The following ABCB1 variants were observed in gnomAD, a reference collection of about 807,000 sequenced individuals.
The protein encoded by ABCB1 is ATP binding cassette subfamily B member 1.
In ABCB1, 69 loss-of-function variants were observed where a neutral mutation model predicts 142.0. That is an observed-to-expected ratio of 0.49 (90% confidence interval 0.40 to 0.59). The LOEUF (loss-of-function observed/expected upper bound fraction) is 0.59. Ranked by LOEUF, ABCB1 falls within the 20% of genes least tolerant of loss-of-function variation. The pLI, the probability that ABCB1 is intolerant of heterozygous loss-of-function variation, is 0.00. For missense variants in ABCB1, 1,326 were observed against 1,554.7 expected (o/e 0.85, Z 2.47); for synonymous variants, 532 against 539.2 (o/e 0.99, Z 0.18).
At chr7:87,560,538 T>A (rs1217091895) in intron 8 of ABCB1, among the ~76,000 whole-genome samples, 1 of 152,172 alleles carries the variant, frequency 6.6e-6, no homozygotes, top group Non-Finnish European at 1.5e-5. Context: ...TTCCCTTGGT[T>A]TTCTTCATGG....
chr7:87,580,738 C>A (rs1373750907), intron 4 of ABCB1, among the ~76,000 whole-genome samples: 1 of 152,040 alleles, frequency 6.6e-6, no homozygotes, highest in Non-Finnish European at 1.5e-5. Context: ...ATGCTTCATT[C>A]TTTTTTCTTT....
chr7:87,556,094 T>C (rs1194823924), intron 8 of ABCB1, among the ~76,000 whole-genome samples: 1 of 152,186 alleles, frequency 6.6e-6, no homozygotes, highest in African/African-American at 2.4e-5. Flanking sequence ...TAAAACTAGA[T>C]ATTAAAATCA....
chr7:87,583,651 T>G (rs904862434), intron 4 of ABCB1, among the ~76,000 whole-genome samples: 8 of 152,180 alleles, frequency 5.3e-5, no homozygotes, highest in Non-Finnish European at 1.0e-4. Context: ...AGAAAGGAGC[T>G]AGTCTTCACA....
intron 1 of ABCB1, among the ~76,000 whole-genome samples, chr7:87,654,699 C>G (rs1823908223): frequency 6.6e-6 from 1 of 152,008 alleles, no homozygotes; most frequent in Non-Finnish European, 1.5e-5. Flanking sequence ...ACCACAAGCA[C>G]AGGCAACTAA....
rs757429739 is a variant in ABCB1 at position 87,566,995 on chromosome 7, A to C, written c.339-19T>G. 5 of 1,609,440 alleles carry C rather than the reference A, an allele frequency of 3.1e-6. No homozygotes were observed. In the East Asian group the frequency reaches 1.1e-4, roughly 36 times the overall value. Reference sequence around the variant, plus strand: ...GGCATACCTGAAAAACAACAAGAACACTGCACATGCTCTCTGTTTCCTAAT... The same window carrying C: ...GGCATACCTGAAAAACAACAAGAACCCTGCACATGCTCTCTGTTTCCTAAT... On this transcript the variant is annotated intron_variant, in intron 5 of 27. Transcript: ENST00000622132.
chr7:87,556,430 G>T (rs1817313028), intron 8 of ABCB1, among the ~76,000 whole-genome samples: 1 of 152,180 alleles, frequency 6.6e-6, no homozygotes. Flanking sequence ...TTCAAAGAGA[G>T]CCAGCTTCCC....
At chr7:87,690,210 CTT>C (rs1310367830) in intron 1 of ABCB1, among the ~76,000 whole-genome samples, 6 of 151,920 alleles carry the variant, frequency 3.9e-5, no homozygotes, top group Non-Finnish European at 7.4e-5. Context: ...TTTTATTACT[CTT>C]ATTATCCATA....
At chr7:87,694,781 C>G (rs1004278110) in intron 1 of ABCB1, among the ~76,000 whole-genome samples, 2 of 152,118 alleles carry the variant, frequency 1.3e-5, no homozygotes, top group Admixed American at 6.6e-5. Flanking sequence ...CGTTTGTTCT[C>G]CATTTCAGAG....
At chr7:87,594,582 A>C (rs1257781049) in intron 3 of ABCB1, among the ~76,000 whole-genome samples, 1 of 152,254 alleles carries the variant, frequency 6.6e-6, no homozygotes, top group Non-Finnish European at 1.5e-5. Context: ...ATACAACTTT[A>C]ACCTAAACGC....
intron 1 of ABCB1, among the ~76,000 whole-genome samples, chr7:87,648,477 G>A (rs1200494486): frequency 2.6e-5 from 4 of 151,874 alleles, no homozygotes; most frequent in African/African-American, 4.8e-5. Flanking sequence ...CATTGAAAGT[G>A]TAAAGGAAAA....
chr7:87,584,447 A>T (rs149506901), intron 4 of ABCB1, among the ~76,000 whole-genome samples: 224 of 152,286 alleles, frequency 1.5e-3, no homozygotes, highest in African/African-American at 4.8e-3. Context: ...CTGGATTGTA[A>T]GTTTTTGAGT....
Position 87,550,449 on chromosome 7 carries a change from T to A in ABCB1, c.1224+19A>T. 1 of 1,606,968 alleles carries A rather than the reference T, an allele frequency of 6.2e-7. No individual in the cohort carries two copies. The highest frequency in any genetic ancestry group is 8.5e-7 in the Non-Finnish European group (1 of 1,175,156). ...TTCATTCAATAGATTAATTGTTGAT[T>A]AATCATTTATCACTGTACCTTAACT... is the stretch of plus-strand genomic sequence containing the variant. On this transcript the variant is annotated intron_variant, in intron 11 of 27. Coordinates refer to ENST00000622132, the MANE Select transcript of ABCB1 (RefSeq NM_001348946.2).
intron 1 of ABCB1, among the ~76,000 whole-genome samples, chr7:87,638,166 T>C (rs1296428646): frequency 6.6e-6 from 1 of 152,146 alleles, no homozygotes. Context: ...AAAAAAACAA[T>C]CAGTTGTGAT....
intron 25 of ABCB1, among the ~76,000 whole-genome samples, chr7:87,513,929 G>A (rs769978563): frequency 2.8e-4 from 42 of 152,136 alleles, no homozygotes; most frequent in Non-Finnish European, 4.9e-4. Context: ...GGCTGTCAGC[G>A]ACGTCTTTAT....
chr7:87,638,896 T>C (rs910731703), intron 1 of ABCB1, among the ~76,000 whole-genome samples: 5 of 152,200 alleles, frequency 3.3e-5, no homozygotes, highest in African/African-American at 9.6e-5. Context: ...CTCACACCTG[T>C]AATCCCAGCA....
intron 25 of ABCB1, among the ~76,000 whole-genome samples, chr7:87,513,362 C>T (rs1361662023): frequency 6.6e-6 from 1 of 152,100 alleles, no homozygotes; most frequent in African/African-American, 2.4e-5. Context: ...GTAACTGATG[C>T]TGTCCATGTT....
intron 8 of ABCB1, among the ~76,000 whole-genome samples, chr7:87,558,924 G>A (rs954835635): frequency 6.6e-6 from 1 of 151,954 alleles, no homozygotes; most frequent in South Asian, 2.1e-4. Context: ...AAGCCAACAT[G>A]TTCAGGATGT....
intron 3 of ABCB1, among the ~76,000 whole-genome samples, chr7:87,587,768 A>T (rs557924572): frequency 6.6e-6 from 1 of 151,344 alleles, no homozygotes; most frequent in African/African-American, 2.4e-5. Flanking sequence ...CCAGCTACTC[A>T]GGAGGCTGAG....
chr7:87,550,845 A>G lies in ABCB1; in HGVS notation c.1000-7T>C. On this transcript the variant is annotated splice_polypyrimidine_tract_variant and splice_region_variant and intron_variant, in intron 9 of 27. Coordinates refer to ENST00000622132, the MANE Select transcript of ABCB1 (RefSeq NM_001348946.2). ...TTAATACAGAAAAGAATACCTGAGG[A>G]ATGTGAAGAAAAACCATCAGGCTAC... 1 of 1,565,440 alleles carries G rather than the reference A, an allele frequency of 6.4e-7. No individual in the cohort carries two copies. The highest frequency in any genetic ancestry group is 8.8e-7 in the Non-Finnish European group (1 of 1,135,906).
Sources: gnomAD v4.1 joint callset for allele counts (sites outside exome capture counted in the v4.1 genomes callset) on GRCh38, gnomAD v4.1.1 for gene constraint, MANE v1.5 for transcripts, NCBI Gene and HGNC (gene_info 2026-07-23, HGNC 2026-07-21) for gene names.